Variants in THSD4 observed in about 807,000 individuals in gnomAD.
THSD4 encodes thrombospondin type 1 domain containing 4.
In THSD4, 69 loss-of-function variants were observed where a neutral mutation model predicts 119.0. The ratio of observed to expected loss-of-function variants is 0.58; its 90% confidence interval spans 0.48 to 0.71. The LOEUF is 0.71. THSD4 is among the 30% of genes least tolerant of loss of function. The probability of loss-of-function intolerance (pLI) is 0.00; values close to 1 mark genes in which losing one functional copy is unlikely to be tolerated. For synonymous variants in THSD4, 524 were observed against 540.4 expected, an observed-to-expected ratio of 0.97 and a Z score of 0.42; for missense variants, 1,393 against 1,391.1, an observed-to-expected ratio of 1.00 and a Z score of -0.02.
At chr15:71,392,709 T>C (rs556937965) in intron 6 of THSD4, among the ~76,000 whole-genome samples, 2 of 152,330 alleles carry the variant, frequency 1.3e-5, no homozygotes, top group East Asian at 3.9e-4. Context: ...CTCAGAGAGC[T>C]TGAGAGGAAA....
In THSD4 at chr15:71,780,523, CAA is replaced by C. The variant is rs1382006638; in HGVS notation, c.*3151_*3152del. 1 of 305,160 alleles carries C rather than the reference CAA, an allele frequency of 3.3e-6. No homozygotes were observed. The highest frequency in any genetic ancestry group is 6.6e-6 in the Non-Finnish European group (1 of 151,748). 18.9% of individuals were successfully genotyped at this position (305,160 alleles called of 1,614,324 possible). A position where few individuals can be genotyped will look rare whatever the true frequency, so the allele number is the denominator to read the frequency against. On this transcript the variant is annotated 3_prime_UTR_variant, in exon 18 of 18. Coordinates refer to ENST00000261862, the MANE Select transcript of THSD4 (RefSeq NM_024817.3). The stretch of plus-strand genomic sequence containing the variant: ...GGCCTAAGAAATACAACTAAAAAAA[CAA>C]ACAAAAACACCAAAAGAAAAAAAAA...
intron 7 of THSD4, among the ~76,000 whole-genome samples, chr15:71,435,259 C>T (rs1014790341): frequency 2.0e-5 from 3 of 152,136 alleles, no homozygotes; most frequent in African/African-American, 7.2e-5. Flanking sequence ...AGTTCAGAAT[C>T]CTAGTCACTA....
intron 7 of THSD4, among the ~76,000 whole-genome samples, chr15:71,643,673 A>T (rs568094159): frequency 6.6e-6 from 1 of 152,370 alleles, no homozygotes; most frequent in Middle Eastern, 3.4e-3. Context: ...TTCTAATTAA[A>T]ACATTAACAT....
chr15:71,442,250 A>T (rs1012278341), intron 7 of THSD4, among the ~76,000 whole-genome samples: 3 of 150,652 alleles, frequency 2.0e-5, no homozygotes, highest in African/African-American at 4.9e-5. Flanking sequence ...GAGCCACCGC[A>T]CCCAGCCCCT....
chr15:71,111,269 G>A, upstream of THSD4: 3 of 1,614,010 alleles, frequency 1.9e-6, no homozygotes, highest in Non-Finnish European at 2.5e-6. Context: ...CACTTCATGG[G>A]AATCCTTGAC....
intron 7 of THSD4, among the ~76,000 whole-genome samples, chr15:71,540,879 C>G (rs1008312990): frequency 6.6e-6 from 1 of 151,906 alleles, no homozygotes; most frequent in Non-Finnish European, 1.5e-5. Context: ...CGTGCCACCA[C>G]ACTCAGCTAA....
intron 5 of THSD4, among the ~76,000 whole-genome samples, chr15:71,254,599 G>A (rs1256488210): frequency 1.3e-5 from 2 of 152,188 alleles, no homozygotes; most frequent in African/African-American, 4.8e-5. Context: ...CTTTCTCGAA[G>A]CCGTACTTGG....
chr15:71,653,199 G>A (rs1259943414), intron 7 of THSD4, among the ~76,000 whole-genome samples: 1 of 152,208 alleles, frequency 6.6e-6, no homozygotes, highest in Non-Finnish European at 1.5e-5. Context: ...TAAGCCAAGA[G>A]GCAATCTTAA....
intron 3 of THSD4, among the ~76,000 whole-genome samples, chr15:71,194,590 A>T (rs1015704369): frequency 6.6e-6 from 1 of 152,116 alleles, no homozygotes; most frequent in Non-Finnish European, 1.5e-5. Context: ...TCATTCTCTT[A>T]CCGAAGACAA....
chr15:71,535,416 G>C (rs566901605), intron 7 of THSD4, among the ~76,000 whole-genome samples: 1 of 152,172 alleles, frequency 6.6e-6, no homozygotes, highest in Non-Finnish European at 1.5e-5. Flanking sequence ...CATTTCGGGG[G>C]TTGGGCTATC....
intron 5 of THSD4, among the ~76,000 whole-genome samples, chr15:71,249,273 T>C (rs1567169242): frequency 6.6e-6 from 1 of 152,054 alleles, no homozygotes; most frequent in Admixed American, 6.6e-5. Flanking sequence ...TTGTTAACAG[T>C]TGTCATTTTT....
chr15:71,547,170 G>A (rs8038946), intron 7 of THSD4: 314,196 of 1,297,082 alleles, frequency 0.24, 39,155 homozygotes, highest in Non-Finnish European at 0.25. Context: ...CTCCCAGCTG[G>A]CTCCTGTCCC....
intron 1 of THSD4, 84 bp from the exon 2 acceptor site, chr15:71,141,365 C>T (rs2040602018): frequency 4.3e-6 from 3 of 699,678 alleles, no homozygotes; most frequent in South Asian, 2.2e-5. Flanking sequence ...TCCATTTGCT[C>T]ATTTCTGGTT....
intron 6 of THSD4, among the ~76,000 whole-genome samples, chr15:71,347,472 C>T (rs1287646894): frequency 1.3e-5 from 2 of 152,168 alleles, no homozygotes; most frequent in African/African-American, 4.8e-5. Context: ...AGGAGTTTGA[C>T]TTTATCAAGG....
At chr15:71,599,415 C>G (rs569739488) in intron 7 of THSD4, among the ~76,000 whole-genome samples, 1 of 152,106 alleles carries the variant, frequency 6.6e-6, no homozygotes, top group Non-Finnish European at 1.5e-5. Flanking sequence ...CTCATGAGCC[C>G]CTGATATGCC....
intron 6 of THSD4, among the ~76,000 whole-genome samples, chr15:71,368,053 C>G (rs1244412256): frequency 1.3e-5 from 2 of 152,166 alleles, no homozygotes; most frequent in Non-Finnish European, 2.9e-5. Context: ...AGCATTTTTT[C>G]ATGTGTCTTT....
chr15:71,619,440 C>T, intron 7 of THSD4, among the ~76,000 whole-genome samples: 1 of 152,124 alleles, frequency 6.6e-6, no homozygotes, highest in East Asian at 1.9e-4. Flanking sequence ...ACAAGGCAGG[C>T]CCCAGTGTTC....
chr15:71,636,555 A>G (rs979960611), intron 7 of THSD4, among the ~76,000 whole-genome samples: 2 of 152,176 alleles, frequency 1.3e-5, no homozygotes, highest in African/African-American at 4.8e-5. Context: ...CCCACCTCCC[A>G]TTTCATTTCA....
chr15:71,427,343 C>G (rs75166817), intron 7 of THSD4, among the ~76,000 whole-genome samples: 11,515 of 150,976 alleles, frequency 0.076, 482 homozygotes, highest in South Asian at 0.094. Flanking sequence ...AAAAGTAATA[C>G]AAAGTCAGTT....
Sources: allele counts gnomAD v4.1 joint callset (sites outside exome capture counted in the v4.1 genomes callset), GRCh38; gene constraint gnomAD v4.1.1; transcripts MANE v1.5; gene names NCBI Gene and HGNC (gene_info 2026-07-23, HGNC 2026-07-21).